The following JAZF1 variants were observed in gnomAD, a reference collection of about 807,000 sequenced individuals.
JAZF1 encodes the protein JAZF zinc finger 1, also known as juxtaposed with another zinc finger protein 1.
JAZF1 carries 8 observed loss-of-function variants against 26.4 expected under a neutral mutation model. The ratio of observed to expected loss-of-function variants is 0.30; its 90% confidence interval spans 0.18 to 0.55. The LOEUF (loss-of-function observed/expected upper bound fraction) is 0.55. JAZF1 is among the 20% of genes least tolerant of loss of function. The pLI is 0.94. For missense variants in JAZF1, 199 were observed against 322.0 expected (o/e 0.62, Z 2.92); for synonymous variants, 126 against 122.3 (o/e 1.03, Z -0.20).
rs557452125 is a variant in JAZF1 at position 27,871,857 on chromosome 7, G to A, written c.385+23363C>T. 3.9e-5 allele frequency among the ~76,000 whole-genome samples: 6 copies of A among 152,300 alleles called. No homozygotes were observed. The East Asian group carries it at 1.2e-3, about 29-fold the overall frequency. On this transcript the variant is annotated intron_variant, in intron 3 of 4. Coordinates refer to ENST00000283928, the MANE Select transcript of JAZF1 (RefSeq NM_175061.4). ...CTCAGCCGACTGTCACACGAGAACTGTCAAGGATGGAAGGTGGGGAGACAC... is the reference window on the plus strand; with the variant it reads ...CTCAGCCGACTGTCACACGAGAACTATCAAGGATGGAAGGTGGGGAGACAC...
At chr7:28,016,699 C>G (rs939803364) in intron 1 of JAZF1, among the ~76,000 whole-genome samples, 1 of 152,160 alleles carries the variant, frequency 6.6e-6, no homozygotes, top group African/African-American at 2.4e-5. Flanking sequence ...TGACTGCTCT[C>G]CCTCCACTCC....
chr7:28,140,901 C>CAT (rs1782951106), intron 1 of JAZF1, among the ~76,000 whole-genome samples: 1 of 152,104 alleles, frequency 6.6e-6, no homozygotes, highest in Non-Finnish European at 1.5e-5. Flanking sequence ...CCGTAAGAGC[C>CAT]ATATAAGTGA....
Position 27,830,937 on chromosome 7 carries a change from A to T in JAZF1, c.*1863T>A, listed in dbSNP as rs1782675236. On this transcript the variant is annotated 3_prime_UTR_variant, in exon 5 of 5. Coordinates refer to ENST00000283928, the MANE Select transcript of JAZF1 (RefSeq NM_175061.4). The stretch of plus-strand genomic sequence containing the variant: ...TGACTGTTTAGCTGTTGAACTACTG[A>T]TCCAGCCTGCAGTTTCTTGCACTAG... 1 of 218,296 alleles carries T rather than the reference A, an allele frequency of 4.6e-6. No homozygotes were observed. Among genetic ancestry groups the T allele is most frequent in the Non-Finnish European group, 9.2e-6 (1 of 108,380 alleles). The allele number at this position is 218,296 out of a possible 1,614,324, so 13.5% of individuals were successfully genotyped here.
At chr7:28,169,495 T>C (rs1783420184) in intron 1 of JAZF1, among the ~76,000 whole-genome samples, 1 of 152,220 alleles carries the variant, frequency 6.6e-6, no homozygotes, top group East Asian at 1.9e-4. Context: ...TGTGTGACAC[T>C]TGCTATCAGT....
At chr7:28,062,851 C>T (rs994597678) in intron 1 of JAZF1, among the ~76,000 whole-genome samples, 3 of 152,282 alleles carry the variant, frequency 2.0e-5, no homozygotes, top group African/African-American at 4.8e-5. Context: ...TTTGTCTCCT[C>T]GTTTGACCCA....
chr7:27,924,106 T>G (rs977415436), intron 2 of JAZF1, among the ~76,000 whole-genome samples: 3 of 152,152 alleles, frequency 2.0e-5, no homozygotes, highest in Non-Finnish European at 4.4e-5. Flanking sequence ...TGAGACCGAG[T>G]CTTGCTCTGT....
At chr7:28,071,332 T>C (rs1783972973) in intron 1 of JAZF1, among the ~76,000 whole-genome samples, 1 of 152,196 alleles carries the variant, frequency 6.6e-6, no homozygotes. Flanking sequence ...AAAGACCTAA[T>C]AACCTCAGCA....
chr7:27,851,978 C>T (rs1297312179), intron 3 of JAZF1, among the ~76,000 whole-genome samples: 2 of 151,906 alleles, frequency 1.3e-5, no homozygotes, highest in Admixed American at 6.6e-5. Context: ...GAGTTATGGA[C>T]CCACACTGAT....
intron 3 of JAZF1, among the ~76,000 whole-genome samples, chr7:27,857,703 TAAA>T (rs1450641004): frequency 6.6e-6 from 1 of 152,234 alleles, no homozygotes; most frequent in Non-Finnish European, 1.5e-5. Context: ...CCATTCATGC[TAAA>T]AACTCTCAAT....
At chr7:27,852,130 C>CTTTTTTT (rs113021262) in intron 3 of JAZF1, among the ~76,000 whole-genome samples, 5 of 125,256 alleles carry the variant, frequency 4.0e-5, no homozygotes, top group Non-Finnish European at 7.1e-5. Context: ...ATAAACAGGA[C>CTTTTTTT]TTTTTTTTTT....
intron 3 of JAZF1, among the ~76,000 whole-genome samples, chr7:27,870,075 A>ATTTTTTTTTTTTT (rs371770357): frequency 5.4e-4 from 65 of 120,632 alleles, no homozygotes; most frequent in Non-Finnish European, 8.2e-4. Context: ...CACCCGGTTA[A>ATTTTTTTTTTTTT]TTTTTTTTTT....
intron 1 of JAZF1, among the ~76,000 whole-genome samples, chr7:28,049,831 T>C (rs1339253371): frequency 6.6e-6 from 1 of 152,184 alleles, no homozygotes; most frequent in Non-Finnish European, 1.5e-5. Flanking sequence ...AGAACTTCCA[T>C]GCCCTCTCCG....
Position 27,840,630 on chromosome 7 carries a change from G to A in JAZF1, c.555+68C>T. On this transcript the variant is annotated intron_variant, in intron 4 of 4. Transcript: ENST00000283928. This position sits in a 1 kb window ranked among gnomAD's most constrained non-coding sequence, Gnocchi z 5.1. ...ACGCTCGCTTTAAAATCAAGAAAGG[G>A]CTGCTGCCTTCCATGAAGCTTGCCC... The A allele has an allele frequency of 1.3e-6, 2 of 1,509,210 alleles. No individual in the cohort carries two copies. Among genetic ancestry groups the A allele is most frequent in the African/African-American group, 2.8e-5 (2 of 72,624 alleles). The allele number at this position is 1,509,210 out of a possible 1,614,324, so 93.5% of individuals were successfully genotyped here.
chr7:28,170,309 G>C (rs1783435148), intron 1 of JAZF1, among the ~76,000 whole-genome samples: 2 of 149,274 alleles, frequency 1.3e-5, no homozygotes, highest in African/African-American at 5.0e-5. Context: ...TTTTAATTTT[G>C]GAAATCTGAA....
At chr7:27,846,331 A>G (rs555996642) in intron 3 of JAZF1, among the ~76,000 whole-genome samples, 1 of 146,360 alleles carries the variant, frequency 6.8e-6, no homozygotes, top group South Asian at 2.3e-4. Flanking sequence ...GTGTATACAT[A>G]TGTACACGTA....
chr7:28,026,144 T>C (rs1382361371), intron 1 of JAZF1, among the ~76,000 whole-genome samples: 1 of 152,184 alleles, frequency 6.6e-6, no homozygotes, highest in African/African-American at 2.4e-5. Flanking sequence ...GAGGCCCCAC[T>C]GGGTCTGGTT....
intron 1 of JAZF1, among the ~76,000 whole-genome samples, chr7:28,174,232 T>C (rs1783515553): frequency 6.6e-6 from 1 of 152,056 alleles, no homozygotes; most frequent in Non-Finnish European, 1.5e-5. Flanking sequence ...TAGAGAAATA[T>C]AAGGGAATGT....
At chr7:27,867,467 G>A (rs567690426) in intron 3 of JAZF1, among the ~76,000 whole-genome samples, 4 of 152,200 alleles carry the variant, frequency 2.6e-5, no homozygotes, top group African/African-American at 4.8e-5. Flanking sequence ...AGCCTGTGCC[G>A]CATGAAAAAC....
intron 1 of JAZF1, among the ~76,000 whole-genome samples, chr7:28,055,737 AT>A (rs1476499376): frequency 6.6e-6 from 1 of 152,036 alleles, no homozygotes; most frequent in African/African-American, 2.4e-5. Context: ...CACAACGATT[AT>A]TTGCTGATTT....
Sources: gnomAD v4.1 joint callset for allele counts (sites outside exome capture counted in the v4.1 genomes callset) on GRCh38, gnomAD v4.1.1 for gene constraint, Gnocchi (gnomAD v3.1) non-coding constraint, MANE v1.5 for transcripts, NCBI Gene and HGNC (gene_info 2026-07-23, HGNC 2026-07-21) for gene names.